GNAO1: variants seen among roughly 807,000 people sequenced by gnomAD.
The protein encoded by GNAO1 is guanine nucleotide-binding protein G(o) subunit alpha.
For synonymous variants in GNAO1, 164 were observed against 180.7 expected (o/e 0.91, Z 0.74); for missense variants, 166 against 478.7 (o/e 0.35, Z 6.10).
At chr16:56,212,407 G>A (rs145129116) in intron 2 of GNAO1, among the ~76,000 whole-genome samples, 198 of 152,246 alleles carry the variant, frequency 1.3e-3, no homozygotes, top group African/African-American at 4.4e-3. Context: ...ACTCTGCTTC[G>A]ATAAGCTTTG....
intron 3 of GNAO1, among the ~76,000 whole-genome samples, chr16:56,283,977 G>C (rs188938161): frequency 6.6e-6 from 1 of 152,294 alleles, no homozygotes; most frequent in Admixed American, 6.5e-5. Context: ...GCAGATCCAG[G>C]ACTAGAGCAT....
chr16:56,312,148 G>A (rs1429774958), intron 3 of GNAO1, among the ~76,000 whole-genome samples: 1 of 152,144 alleles, frequency 6.6e-6, no homozygotes, highest in African/African-American at 2.4e-5. Flanking sequence ...CGGAAGACCA[G>A]GCCACTAAAT....
chr16:56,287,143 T>C (rs1361975286), intron 3 of GNAO1, among the ~76,000 whole-genome samples: 1 of 152,150 alleles, frequency 6.6e-6, no homozygotes, highest in African/African-American at 2.4e-5. Context: ...TGACCAATGG[T>C]CTCGCCTTTC....
intron 2 of GNAO1, among the ~76,000 whole-genome samples, chr16:56,269,307 C>A (rs1023279244): frequency 1.3e-5 from 2 of 152,120 alleles, no homozygotes; most frequent in African/African-American, 4.8e-5. Context: ...TGCTCCTCCT[C>A]CTCCTCCTCC....
chr16:56,233,044 T>C (rs183271219), intron 2 of GNAO1, among the ~76,000 whole-genome samples: 7 of 152,348 alleles, frequency 4.6e-5, no homozygotes, highest in Admixed American at 4.6e-4. Flanking sequence ...TGGAGTATCA[T>C]TGCACTGAAT....
chr16:56,324,308 G>A (rs1006268239), intron 3 of GNAO1, among the ~76,000 whole-genome samples: 2 of 152,266 alleles, frequency 1.3e-5, no homozygotes, highest in African/African-American at 2.4e-5. Flanking sequence ...CCACATTAGC[G>A]TGTGATCCTC....
At chr16:56,298,500 G>A (rs527857755) in intron 3 of GNAO1, among the ~76,000 whole-genome samples, 2 of 152,326 alleles carry the variant, frequency 1.3e-5, no homozygotes, top group Admixed American at 6.5e-5. Flanking sequence ...TACCCTGACA[G>A]TCTTCATTTT....
intron 3 of GNAO1, among the ~76,000 whole-genome samples, chr16:56,285,411 A>AAC (rs1567469281): frequency 6.6e-6 from 1 of 151,772 alleles, no homozygotes; most frequent in East Asian, 2.0e-4. Context: ...TACCCCCACC[A>AAC]AACCCCCACC....
At chr16:56,230,933 A>G (rs1235561278) in intron 2 of GNAO1, among the ~76,000 whole-genome samples, 1 of 152,026 alleles carries the variant, frequency 6.6e-6, no homozygotes, top group Admixed American at 6.5e-5. Context: ...TCAGTCTGCA[A>G]CCTCTCAGCC....
At chr16:56,215,788 A>G (rs1188835073) in intron 2 of GNAO1, among the ~76,000 whole-genome samples, 18 of 152,198 alleles carry the variant, frequency 1.2e-4, no homozygotes, top group Admixed American at 9.2e-4. Context: ...AAACTTCAGT[A>G]TACATACATG....
At chr16:56,306,479 G>A (rs2037397552) in intron 3 of GNAO1, among the ~76,000 whole-genome samples, 1 of 152,208 alleles carries the variant, frequency 6.6e-6, no homozygotes, top group African/African-American at 2.4e-5. Context: ...TGAATTCAGT[G>A]AGGTGGACTT....
chr16:56,237,997 G>A (rs181535163), intron 2 of GNAO1, among the ~76,000 whole-genome samples: 1 of 152,312 alleles, frequency 6.6e-6, no homozygotes, highest in African/African-American at 2.4e-5. Flanking sequence ...TGGGCCAGCA[G>A]CATTATTTCA....
intron 3 of GNAO1, among the ~76,000 whole-genome samples, chr16:56,322,034 C>T (rs2037577193): frequency 6.6e-6 from 1 of 152,196 alleles, no homozygotes; most frequent in Non-Finnish European, 1.5e-5. Context: ...GCTACTTTCT[C>T]TTAGACGGCC....
At chr16:56,329,927 CAA>C (rs2037672521) in intron 4 of GNAO1, among the ~76,000 whole-genome samples, 1 of 152,204 alleles carries the variant, frequency 6.6e-6, no homozygotes, top group African/African-American at 2.4e-5. Context: ...GCCCCCACAA[CAA>C]AGAGTTACGT....
intron 2 of GNAO1, among the ~76,000 whole-genome samples, chr16:56,206,501 A>C (rs1014631651): frequency 2.6e-5 from 4 of 152,122 alleles, no homozygotes; most frequent in Non-Finnish European, 4.4e-5. Flanking sequence ...CAGGGATGGA[A>C]ATTACATCAG....
chr16:56,293,505 C>T (rs541922056), intron 3 of GNAO1, among the ~76,000 whole-genome samples: 1 of 152,194 alleles, frequency 6.6e-6, no homozygotes, highest in Non-Finnish European at 1.5e-5. Flanking sequence ...ACATGAGTCC[C>T]ATGTTCTGTG....
In GNAO1 at chr16:56,240,632, A is replaced by T. The variant is rs115639907; in HGVS notation, c.162-35299A>T. Among the ~76,000 whole-genome samples, 470 of 152,232 alleles carry T rather than the reference A, an allele frequency of 3.1e-3. 3 individuals carry two copies. Among genetic ancestry groups the T allele is most frequent in the African/African-American group, 0.01 (422 of 41,548 alleles). ...TTCCCATTTCTCTCAACCTTTGCCAAGTCCTCCATGTAATGCCTACACAGG... is the reference window on the plus strand; with the variant it reads ...TTCCCATTTCTCTCAACCTTTGCCATGTCCTCCATGTAATGCCTACACAGG... On this transcript the variant is annotated intron_variant, in intron 2 of 8. Transcript: ENST00000262493.
chr16:56,262,207 G>A (rs1239449252), intron 2 of GNAO1, among the ~76,000 whole-genome samples: 1 of 152,240 alleles, frequency 6.6e-6, no homozygotes, highest in Non-Finnish European at 1.5e-5. Context: ...CATTTGCAGA[G>A]CTCAGGCTCC....
intron 3 of GNAO1, among the ~76,000 whole-genome samples, chr16:56,319,721 A>G (rs756316173): frequency 1.3e-5 from 2 of 151,942 alleles, no homozygotes; most frequent in Non-Finnish European, 2.9e-5. Context: ...TCACTACCCT[A>G]CCACCTCCCA....
Sources: gnomAD v4.1 joint callset for allele counts (sites outside exome capture counted in the v4.1 genomes callset) on GRCh38, gnomAD v4.1.1 for gene constraint, MANE v1.5 for transcripts, NCBI Gene and HGNC (gene_info 2026-07-23, HGNC 2026-07-21) for gene names.